MPZL1: variants seen among roughly 807,000 people sequenced by gnomAD.
The protein encoded by MPZL1 is myelin protein zero-like protein 1.
Under a neutral mutation model 29.3 loss-of-function variants are expected in MPZL1, and 16 were observed. The ratio of observed to expected loss-of-function variants is 0.55; its 90% CI spans 0.37 to 0.83. The LOEUF (loss-of-function observed/expected upper bound fraction) is 0.83, where lower values mean the gene tolerates loss of function less well. Among genes scored for constraint, MPZL1 ranks in the 40% least tolerant of loss-of-function variants. The pLI is 0.00. For synonymous variants in MPZL1, 143 were observed against 132.0 expected, an observed-to-expected ratio of 1.08 and a Z score of -0.57; for missense variants, 279 against 332.9, an observed-to-expected ratio of 0.84 and a Z score of 1.26.
intron 1 of MPZL1, among the ~76,000 whole-genome samples, chr1:167,746,298 C>T (rs1660645422): frequency 1.3e-5 from 2 of 151,936 alleles, no homozygotes; most frequent in Admixed American, 1.3e-4. Context: ...AAAATGTAGG[C>T]TCTGGGATGA....
chr1:167,772,690 G>A (rs1661277976), intron 3 of MPZL1, among the ~76,000 whole-genome samples: 1 of 152,166 alleles, frequency 6.6e-6, no homozygotes, highest in Non-Finnish European at 1.5e-5. Flanking sequence ...CAGAGTGGCT[G>A]ATTTCTCCAT....
chr1:167,752,346 G>T (rs1235545745), intron 1 of MPZL1, among the ~76,000 whole-genome samples: 2 of 152,158 alleles, frequency 1.3e-5, no homozygotes, highest in African/African-American at 4.8e-5. Flanking sequence ...AGATAAGGTG[G>T]CATAAATAAC....
At position 167,776,005 on chromosome 1, in the gene MPZL1, TTCTA is replaced by T. The variant is rs2101793121; in HGVS notation, c.606-57_606-54del. On this transcript the variant is annotated intron_variant, in intron 4 of 5. Coordinates refer to ENST00000359523, the MANE Select transcript of MPZL1 (RefSeq NM_003953.6). ...GTCAGTTGCATTTCTATATTTTTGT[TTCTA>T]TTTATTTATTATTATTATTTTTTAC... 2.5e-6 allele frequency: 3 copies of T among 1,186,682 alleles called. No individual in the cohort carries two copies. The South Asian group carries it at 5.3e-5, about 21-fold the overall frequency. 73.5% of individuals were successfully genotyped at this position (1,186,682 alleles called of 1,614,324 possible).
In MPZL1 at chr1:167,722,206, T is replaced by G; in HGVS notation, c.55T>G (p.Trp19Gly). ...GATTGCAGCCCCAGACAGCCGGCGC[T>G]GGCTGTGGTCGGTGCTGGCGGCGGC... ...AVIAAPDSRR[W>G]LWSVLAAALG... The change falls in exon 1 of 6, where the codon TGG becomes GGG. Residue 19 changes from tryptophan (W) to glycine (G), a missense_variant. Transcript: ENST00000359523. 8.1e-7 allele frequency: 1 copy of G among 1,238,742 alleles called. No individual in the cohort carries two copies. The highest frequency in any genetic ancestry group is 1.0e-6 in the Non-Finnish European group (1 of 987,644). The allele number at this position is 1,238,742 out of a possible 1,614,324, so 76.7% of individuals were successfully genotyped here. A position where few individuals can be genotyped will look rare whatever the true frequency, so the allele number is the denominator to read the frequency against.
chr1:167,735,049 C>T lies in MPZL1; in HGVS notation c.91+12807C>T, dbSNP rs112134794. ...ATTTTCAGCAATTTCAGCTCTATGGCTAACAGAGATAAGGATATCTTTCAG... is the reference window on the plus strand; with the variant it reads ...ATTTTCAGCAATTTCAGCTCTATGGTTAACAGAGATAAGGATATCTTTCAG... On this transcript the variant is annotated intron_variant, in intron 1 of 5. Coordinates refer to ENST00000359523, the MANE Select transcript of MPZL1 (RefSeq NM_003953.6). 3.7e-3 allele frequency among the ~76,000 whole-genome samples: 571 copies of T among 152,306 alleles called. 3 individuals carry two copies. Among genetic ancestry groups the T allele is most frequent in the African/African-American group, 0.013 (548 of 41,556 alleles).
chr1:167,750,504 C>T (rs1383280250), intron 1 of MPZL1, among the ~76,000 whole-genome samples: 2 of 152,002 alleles, frequency 1.3e-5, no homozygotes, highest in Non-Finnish European at 2.9e-5. Context: ...GCCTGGCCCA[C>T]CCAGGTTTTT....
chr1:167,784,504 A>G (rs1309255892), intron 5 of MPZL1, among the ~76,000 whole-genome samples: 1 of 152,202 alleles, frequency 6.6e-6, no homozygotes, highest in Non-Finnish European at 1.5e-5. Flanking sequence ...TTCAAAGTTG[A>G]TCGTGGTTCT....
At chr1:167,760,111 A>C (rs1253821065) in intron 1 of MPZL1, among the ~76,000 whole-genome samples, 1 of 152,212 alleles carries the variant, frequency 6.6e-6, no homozygotes. Context: ...ATCAATACTT[A>C]ATCCAGGTGA....
At chr1:167,754,797 G>A (rs1167897350) in intron 1 of MPZL1, among the ~76,000 whole-genome samples, 1 of 152,168 alleles carries the variant, frequency 6.6e-6, no homozygotes, top group Non-Finnish European at 1.5e-5. Flanking sequence ...CTGATACCCA[G>A]GCCATACCCC....
chr1:167,760,535 G>A (rs946379367), intron 1 of MPZL1, among the ~76,000 whole-genome samples: 2 of 152,176 alleles, frequency 1.3e-5, no homozygotes, highest in African/African-American at 2.4e-5. Flanking sequence ...GAGATGACAT[G>A]TGTAGCTGAC....
chr1:167,738,828 A>G (rs1287332322), intron 1 of MPZL1, among the ~76,000 whole-genome samples: 1 of 152,168 alleles, frequency 6.6e-6, no homozygotes, highest in Non-Finnish European at 1.5e-5. Context: ...TGCCAGCATC[A>G]TGCTTCCTGT....
chr1:167,747,029 T>G (rs1222191675), intron 1 of MPZL1, among the ~76,000 whole-genome samples: 2 of 152,094 alleles, frequency 1.3e-5, no homozygotes, highest in East Asian at 3.8e-4. Context: ...TATAGAGAGT[T>G]AGAAGATCAG....
intron 5 of MPZL1, among the ~76,000 whole-genome samples, chr1:167,777,311 G>GA (rs1661391028): frequency 6.6e-6 from 1 of 152,004 alleles, no homozygotes; most frequent in African/African-American, 2.4e-5. Flanking sequence ...AAACAAACCA[G>GA]AAAAAAGAAA....
intron 1 of MPZL1, among the ~76,000 whole-genome samples, chr1:167,734,932 A>G (rs938046884): frequency 6.6e-6 from 1 of 152,098 alleles, no homozygotes; most frequent in Non-Finnish European, 1.5e-5. Context: ...TTCCCAATCA[A>G]TGCCCTCACT....
intron 1 of MPZL1, among the ~76,000 whole-genome samples, chr1:167,739,891 G>A (rs1046523752): frequency 1.3e-5 from 2 of 152,128 alleles, no homozygotes; most frequent in Non-Finnish European, 2.9e-5. Flanking sequence ...TCCTTTTATA[G>A]TTTCACTACG....
intron 1 of MPZL1, among the ~76,000 whole-genome samples, chr1:167,758,675 C>T (rs549867385): frequency 2.0e-5 from 3 of 152,198 alleles, no homozygotes; most frequent in East Asian, 3.9e-4. Context: ...AATGACTTTG[C>T]GGGCTTTTTT....
At chr1:167,742,185 CG>C (rs1558111862) in intron 1 of MPZL1, among the ~76,000 whole-genome samples, 1 of 151,572 alleles carries the variant, frequency 6.6e-6, no homozygotes, top group Non-Finnish European at 1.5e-5. Flanking sequence ...CCCAGCTACT[CG>C]GGAGGTTGAG....
chr1:167,732,464 G>T (rs1242165199), intron 1 of MPZL1, among the ~76,000 whole-genome samples: 22 of 152,152 alleles, frequency 1.4e-4, no homozygotes, highest in African/African-American at 5.3e-4. Flanking sequence ...TAGAAATGTG[G>T]TCTCACTATG....
At chr1:167,782,329 A>T (rs1453745270) in intron 5 of MPZL1, among the ~76,000 whole-genome samples, 2 of 152,110 alleles carry the variant, frequency 1.3e-5, no homozygotes, top group African/African-American at 4.8e-5. Context: ...TGATAATTCC[A>T]GTGTCTGTAG....
Sources: gnomAD v4.1 joint callset for allele counts (sites outside exome capture counted in the v4.1 genomes callset) on GRCh38, gnomAD v4.1.1 for gene constraint, MANE v1.5 for transcripts, NCBI Gene and HGNC (gene_info 2026-07-23, HGNC 2026-07-21) for gene names.